The following RFX2 variants were observed in gnomAD, a reference collection of about 807,000 sequenced individuals.
The protein encoded by RFX2 is regulatory factor X2, also known as DNA-binding protein RFX2.
In RFX2, 20 loss-of-function variants were observed where a neutral mutation model predicts 87.8. The ratio of observed to expected loss-of-function variants is 0.23; its 90% CI spans 0.16 to 0.33. RFX2 has a LOEUF of 0.33. Ranked by LOEUF, RFX2 falls within the 10% of genes least tolerant of loss-of-function variation. RFX2 has a pLI of 1.00. For missense variants in RFX2, 767 were observed against 1,012.3 expected (o/e 0.76, Z 3.29); for synonymous variants, 397 against 431.3 (o/e 0.92, Z 0.98).
At chr19:6,051,768 A>T (rs1314621430) in intron 1 of RFX2, among the ~76,000 whole-genome samples, 1 of 152,196 alleles carries the variant, frequency 6.6e-6, no homozygotes, top group Non-Finnish European at 1.5e-5. Context: ...AACAATCAAG[A>T]TCCCATTATA....
intron 1 of RFX2, among the ~76,000 whole-genome samples, chr19:6,053,676 C>T (rs1401936219): frequency 6.6e-6 from 1 of 152,048 alleles, no homozygotes; most frequent in Non-Finnish European, 1.5e-5. Flanking sequence ...AAGTCTTGGC[C>T]AGGCATGGTG....
chr19:6,055,582 C>A lies in RFX2; in HGVS notation c.-8-8078G>T, dbSNP rs565041043. Among the ~76,000 whole-genome samples the A allele has an allele frequency of 2.6e-5, 4 of 152,256 alleles. No individual in the cohort carries two copies. The East Asian group carries it at 7.7e-4, about 29-fold the overall frequency. Reference sequence around the variant, plus strand: ...GGGACTACAGGCACGCAGCACCATACCCGGCTAATTTTTGTATTTTGGGTA... The same window carrying A: ...GGGACTACAGGCACGCAGCACCATAACCGGCTAATTTTTGTATTTTGGGTA... On this transcript the variant is annotated intron_variant, in intron 1 of 17. Coordinates refer to ENST00000303657, the MANE Select transcript of RFX2 (RefSeq NM_000635.4).
In RFX2 at chr19:6,040,509, C is replaced by T. The variant is rs569683058; in HGVS notation, c.261-268G>A. Among the ~76,000 whole-genome samples the T allele has an allele frequency of 5.3e-5, 8 of 152,338 alleles. No individual in the cohort carries two copies. The highest frequency in any genetic ancestry group is 1.9e-4 in the African/African-American group (8 of 41,576). On this transcript the variant is annotated intron_variant, in intron 4 of 17. Coordinates refer to ENST00000303657, the MANE Select transcript of RFX2 (RefSeq NM_000635.4). The surrounding 1 kb of genome is among the most constrained non-coding windows in gnomAD (Gnocchi z 6.1). ...GCGTGGTGGCTCACGCCTGTAATCCCAGCACTTTGGGAGGCTAAGGTGGGA... is the reference window on the plus strand; with the variant it reads ...GCGTGGTGGCTCACGCCTGTAATCCTAGCACTTTGGGAGGCTAAGGTGGGA...
chr19:6,025,376 G>A lies in RFX2; in HGVS notation c.597+787C>T, dbSNP rs189056547. On this transcript the variant is annotated intron_variant, in intron 6 of 17. Coordinates refer to ENST00000303657, the MANE Select transcript of RFX2 (RefSeq NM_000635.4). Reference sequence around the variant, plus strand: ...AGAAAAATCCTAGACGCTAAAATCTGTATGAATTAGCTGCTTTATGCTTTT... The same window carrying A: ...AGAAAAATCCTAGACGCTAAAATCTATATGAATTAGCTGCTTTATGCTTTT... Among the ~76,000 whole-genome samples, 200 of 152,282 alleles carry A rather than the reference G, an allele frequency of 1.3e-3. 1 individual carries two copies. Among genetic ancestry groups the A allele is most frequent in the African/African-American group, 4.7e-3 (195 of 41,556 alleles).
intron 4 of RFX2, among the ~76,000 whole-genome samples, chr19:6,041,438 A>C (rs1389694011): frequency 6.6e-6 from 1 of 152,202 alleles, no homozygotes; most frequent in African/African-American, 2.4e-5. Flanking sequence ...CCCAAGCATC[A>C]CACAGTTACA....
chr19:6,008,115 C>T lies in RFX2; in HGVS notation c.1125G>A (p.Arg375=). 1 of 1,550,608 alleles carries T rather than the reference C, an allele frequency of 6.4e-7. No homozygotes were observed. Among genetic ancestry groups the T allele is most frequent in the Non-Finnish European group, 8.7e-7 (1 of 1,146,390 alleles). The change falls in exon 10 of 18, where the codon CGG becomes CGA. Residue 375 remains arginine (R), a synonymous_variant. Transcript: ENST00000303657. ...DVKALQLVYR[R]HCEATVDVVM... is the part of the protein sequence containing the mutation. ...GGGCTGGGGCGGTCACCTCGCAGTG[C>T]CGTCTGTACACCAGCTGCAGGGCCT...
intron 1 of RFX2, among the ~76,000 whole-genome samples, chr19:6,093,095 C>G (rs1230148479): frequency 6.6e-6 from 1 of 152,100 alleles, no homozygotes; most frequent in African/African-American, 2.4e-5. Flanking sequence ...GGCAAGCTAA[C>G]GCCAAGGGGA....
In RFX2 at chr19:6,055,249, T is replaced by C. The variant is rs998045202; in HGVS notation, c.-8-7745A>G. ...CAACTAAAACTCTCACACACCCCCA[T>C]GTGTAGATATGAATGATATGACCAC... On this transcript the variant is annotated intron_variant, in intron 1 of 17. Coordinates refer to ENST00000303657, the MANE Select transcript of RFX2 (RefSeq NM_000635.4). 2.0e-5 allele frequency among the ~76,000 whole-genome samples: 3 copies of C among 152,132 alleles called. No homozygotes were observed. The East Asian group carries it at 5.8e-4, about 29-fold the overall frequency.
intron 12 of RFX2, among the ~76,000 whole-genome samples, chr19:6,005,623 T>C: frequency 6.6e-6 from 1 of 152,116 alleles, no homozygotes; most frequent in East Asian, 1.9e-4. Flanking sequence ...CCTGTCACTC[T>C]CTCCCCACCC....
intron 1 of RFX2, among the ~76,000 whole-genome samples, chr19:6,065,962 G>A (rs2087503197): frequency 7.6e-6 from 1 of 130,936 alleles, no homozygotes; most frequent in Non-Finnish European, 1.6e-5. Context: ...TAACAGTTCT[G>A]AATTTATAGC....
rs148983176 is a variant in RFX2 at position 6,033,160 on chromosome 19, G to A, written c.522+6820C>T. Among the ~76,000 whole-genome samples, 498 of 152,318 alleles carry A rather than the reference G, an allele frequency of 3.3e-3. 3 individuals are homozygous for A. Among genetic ancestry groups the A allele is most frequent in the Admixed American group, 9.1e-3 (139 of 15,292 alleles). ...ACTCAGCAGGACCGATTCTTACAGA[G>A]CCACTGCGCACTCTTAACTTCAACA... is the stretch of plus-strand genomic sequence containing the variant. On this transcript the variant is annotated intron_variant, in intron 5 of 17. Transcript: ENST00000303657.
At chr19:6,046,379 G>A (rs749627729) in intron 2 of RFX2, among the ~76,000 whole-genome samples, 1 of 152,022 alleles carries the variant, frequency 6.6e-6, no homozygotes, top group South Asian at 2.1e-4. Flanking sequence ...TCAGGAGTTC[G>A]AGACCAGCCT....
chr19:6,095,876 T>C (rs891318688), intron 1 of RFX2, among the ~76,000 whole-genome samples: 2 of 152,238 alleles, frequency 1.3e-5, no homozygotes, highest in African/African-American at 2.4e-5. Context: ...ATCAAAATAT[T>C]CTGTGATGCA....
intron 5 of RFX2, among the ~76,000 whole-genome samples, chr19:6,034,375 C>T (rs966397796): frequency 1.6e-4 from 24 of 152,048 alleles, no homozygotes; most frequent in East Asian, 1.2e-3. Flanking sequence ...ACTACAGGTG[C>T]GCACCACCAC....
chr19:6,003,666 C>G (rs969059126), intron 13 of RFX2, among the ~76,000 whole-genome samples: 1 of 150,470 alleles, frequency 6.6e-6, no homozygotes, highest in African/African-American at 2.4e-5. Context: ...GTAATCCCAG[C>G]TATTCGGGAG....
Position 6,101,167 on chromosome 19 carries a change from A to G in RFX2, c.-9+9226T>C, listed in dbSNP as rs1348809039. ...AGATGTTTGATATTTCAGGCCCACA[A>G]ATATTTTCTAAAGAAATGGATGGAG... On this transcript the variant is annotated intron_variant, in intron 1 of 17. Coordinates refer to ENST00000303657, the MANE Select transcript of RFX2 (RefSeq NM_000635.4). The surrounding 1 kb of genome is among the most constrained non-coding windows in gnomAD (Gnocchi z 4.9). Among the ~76,000 whole-genome samples the G allele has an allele frequency of 6.6e-6, 1 of 152,218 alleles. No individual in the cohort carries two copies. Among genetic ancestry groups the G allele is most frequent in the Non-Finnish European group, 1.5e-5 (1 of 68,036 alleles).
At chr19:6,071,255 G>A (rs557290690) in intron 1 of RFX2, among the ~76,000 whole-genome samples, 51 of 152,354 alleles carry the variant, frequency 3.3e-4, no homozygotes, top group African/African-American at 1.2e-3. Context: ...CAAGACAAAT[G>A]AGTGAGGCCA....
At chr19:6,014,579 C>T (rs73923419) in intron 7 of RFX2, among the ~76,000 whole-genome samples, 1 of 152,272 alleles carries the variant, frequency 6.6e-6, no homozygotes, top group South Asian at 2.1e-4. Flanking sequence ...AGCAGACAGC[C>T]TGGGCCCTTT....
At chr19:6,076,990 A>G (rs2087701632) in intron 1 of RFX2, 1 of 152,216 alleles carries the variant, frequency 6.6e-6, no homozygotes, top group African/African-American at 2.4e-5. Flanking sequence ...ATATTTTAAC[A>G]TCAACTCCCT....
Sources: allele counts gnomAD v4.1 joint callset (sites outside exome capture counted in the v4.1 genomes callset), GRCh38; gene constraint gnomAD v4.1.1; non-coding constraint Gnocchi (gnomAD v3.1); transcripts MANE v1.5; gene names NCBI Gene and HGNC (gene_info 2026-07-23, HGNC 2026-07-21).